The following NLGN1 variants were observed in gnomAD, a reference collection of about 807,000 sequenced individuals.
The protein encoded by NLGN1 is neuroligin 1, also known as neuroligin-1.
In NLGN1, 12 loss-of-function variants were observed where a neutral mutation model predicts 65.5. That is an observed-to-expected ratio of 0.18 (90% CI 0.12 to 0.30). The LOEUF (loss-of-function observed/expected upper bound fraction) is 0.30. Among genes scored for constraint, NLGN1 ranks in the 10% least tolerant of loss-of-function variants. The pLI is 1.00. For synonymous variants in NLGN1, 350 were observed against 359.5 expected, an observed-to-expected ratio of 0.97 and a Z score of 0.30; for missense variants, 750 against 1,007.1, an observed-to-expected ratio of 0.74 and a Z score of 3.46.
intron 4 of NLGN1, among the ~76,000 whole-genome samples, chr3:174,161,755 C>A (rs566590132): frequency 6.6e-6 from 1 of 152,030 alleles, no homozygotes; most frequent in African/African-American, 2.4e-5. Flanking sequence ...TAAGTTTCAG[C>A]TCCTTAATAC....
At chr3:174,013,434 C>A (rs559268147) in intron 4 of NLGN1, among the ~76,000 whole-genome samples, 3 of 152,246 alleles carry the variant, frequency 2.0e-5, no homozygotes, top group Admixed American at 6.5e-5. Flanking sequence ...AATAATATTT[C>A]TGCAAAATAA....
chr3:173,400,354 C>A (rs1304304624), intron 1 of NLGN1, among the ~76,000 whole-genome samples: 2 of 152,270 alleles, frequency 1.3e-5, no homozygotes, highest in East Asian at 3.9e-4. Context: ...TAATGCCACT[C>A]AATGCTTTTC....
chr3:173,622,220 A>G (rs903223851), intron 3 of NLGN1, among the ~76,000 whole-genome samples: 1 of 152,122 alleles, frequency 6.6e-6, no homozygotes, highest in Non-Finnish European at 1.5e-5. Context: ...GAATGTATAC[A>G]AGGCCAATTA....
rs143966354 is a variant in NLGN1, at chr3:174,098,623, C to T, written c.647-176692C>T. Among the ~76,000 whole-genome samples the T allele has an allele frequency of 3.3e-5, 5 of 152,224 alleles. No individual in the cohort carries two copies. The East Asian group carries it at 9.7e-4, about 29-fold the overall frequency. ...GTATAGAATGGTACTTCTCAGACTTCCCTGTGCATTGAAATCACCTGATGG... is the reference window on the plus strand; with the variant it reads ...GTATAGAATGGTACTTCTCAGACTTTCCTGTGCATTGAAATCACCTGATGG... On this transcript the variant is annotated intron_variant, in intron 4 of 6. Coordinates refer to ENST00000457714, the Ensembl canonical transcript of NLGN1.
chr3:173,922,292 G>A (rs1325406730), intron 4 of NLGN1, among the ~76,000 whole-genome samples: 1 of 152,022 alleles, frequency 6.6e-6, no homozygotes, highest in South Asian at 2.1e-4. Flanking sequence ...GCTAATATAA[G>A]TTATTTGCCA....
intron 3 of NLGN1, among the ~76,000 whole-genome samples, chr3:173,711,977 T>G (rs536195082): frequency 1.1e-4 from 16 of 152,140 alleles, no homozygotes; most frequent in Non-Finnish European, 2.2e-4. Flanking sequence ...ACTGAGGGCA[T>G]AGAGCAATAC....
chr3:174,056,440 A>T (rs1031592649), intron 4 of NLGN1, among the ~76,000 whole-genome samples: 4 of 151,792 alleles, frequency 2.6e-5, no homozygotes, highest in African/African-American at 9.7e-5. Flanking sequence ...GATTATTCTC[A>T]TGTCATTGTA....
intron 2 of NLGN1, among the ~76,000 whole-genome samples, chr3:173,459,321 T>G (rs1722991587): frequency 6.6e-6 from 1 of 152,144 alleles, no homozygotes; most frequent in Non-Finnish European, 1.5e-5. Context: ...TTCCACTTTG[T>G]TAGGGATTAA....
chr3:173,908,870 T>C (rs564507152), intron 4 of NLGN1, among the ~76,000 whole-genome samples: 1 of 152,316 alleles, frequency 6.6e-6, no homozygotes, highest in Admixed American at 6.5e-5. Flanking sequence ...AAAACATTTT[T>C]AATGGGGACT....
intron 4 of NLGN1, among the ~76,000 whole-genome samples, chr3:174,087,535 G>T (rs890305298): frequency 6.6e-6 from 1 of 152,076 alleles, no homozygotes; most frequent in Non-Finnish European, 1.5e-5. Context: ...AAAGTATTAA[G>T]TAACTACCAA....
At chr3:173,942,988 G>A (rs1042530279) in intron 4 of NLGN1, among the ~76,000 whole-genome samples, 32 of 152,200 alleles carry the variant, frequency 2.1e-4, no homozygotes, top group Non-Finnish European at 4.3e-4. Context: ...ACTTTGCGAG[G>A]CTGAGATAGG....
chr3:173,609,975 G>A (rs1397572921), intron 3 of NLGN1, among the ~76,000 whole-genome samples: 1 of 151,824 alleles, frequency 6.6e-6, no homozygotes, highest in South Asian at 2.1e-4. Context: ...ATCTGGAAAG[G>A]GGGAAAAGAG....
At chr3:173,878,595 ATCTG>A (rs1312133805) in intron 4 of NLGN1, among the ~76,000 whole-genome samples, 1 of 150,630 alleles carries the variant, frequency 6.6e-6, no homozygotes, top group Non-Finnish European at 1.5e-5. Flanking sequence ...TCATGCATTT[ATCTG>A]TCTTTTATTT....
chr3:173,599,030 A>G (rs1490733653), intron 2 of NLGN1, among the ~76,000 whole-genome samples: 1 of 152,140 alleles, frequency 6.6e-6, no homozygotes, highest in African/African-American at 2.4e-5. Context: ...CCCTTCTGTG[A>G]CCAACAGTGT....
chr3:173,520,863 A>G (rs1734641508), intron 2 of NLGN1, among the ~76,000 whole-genome samples: 1 of 152,224 alleles, frequency 6.6e-6, no homozygotes, highest in African/African-American at 2.4e-5. Context: ...AATACAATAG[A>G]TGAAAAGAAA....
At chr3:173,981,310 T>C (rs541710638) in intron 4 of NLGN1, among the ~76,000 whole-genome samples, 2 of 152,304 alleles carry the variant, frequency 1.3e-5, no homozygotes, top group South Asian at 4.1e-4. Context: ...TTTCTCATCC[T>C]CCTGTAGATT....
At position 173,517,794 on chromosome 3, in the gene NLGN1, C is replaced by CTATT. The variant is rs1553874127; in HGVS notation, c.-321+82719_-321+82720insTTAT. On this transcript the variant is annotated intron_variant, in intron 2 of 6. Coordinates refer to ENST00000457714, the Ensembl canonical transcript of NLGN1. Reference sequence around the variant, plus strand: ...TCTATCTATCTATCTATCTATCTATCTATCTATCATATCTATCTGTCATCT... The same window carrying CTATT: ...TCTATCTATCTATCTATCTATCTATCTATTTATCTATCATATCTATCTGTCATCT... Among the ~76,000 whole-genome samples, 1,015 of 151,590 alleles carry CTATT rather than the reference C, an allele frequency of 6.7e-3. 5 individuals carry two copies. The highest frequency in any genetic ancestry group is 8.7e-3 in the Non-Finnish European group (590 of 67,814).
In NLGN1 at chr3:174,260,678, C is replaced by G. The variant is rs920351908; in HGVS notation, c.647-14637C>G. Reference sequence around the variant, plus strand: ...GTAGTTTCTTTTGTGTGCAGAAGCTCTTTAGTTTAATTAGATCCCATTTGT... The same window carrying G: ...GTAGTTTCTTTTGTGTGCAGAAGCTGTTTAGTTTAATTAGATCCCATTTGT... On this transcript the variant is annotated intron_variant, in intron 4 of 6. Coordinates refer to ENST00000457714, the Ensembl canonical transcript of NLGN1. 9.5e-4 allele frequency among the ~76,000 whole-genome samples: 136 copies of G among 143,064 alleles called. 1 individual carries two copies. Among genetic ancestry groups the G allele is most frequent in the Admixed American group, 2.1e-3 (29 of 13,952 alleles). 93.9% of individuals were successfully genotyped at this position (143,064 alleles called of 152,430 possible). A position where few individuals can be genotyped will look rare whatever the true frequency, so the allele number is the denominator to read the frequency against.
intron 4 of NLGN1, among the ~76,000 whole-genome samples, chr3:174,033,515 G>GATTTTAAAATC (rs147582830): frequency 0.26 from 39,615 of 151,748 alleles, 6,055 homozygotes; most frequent in African/African-American, 0.42. Context: ...TATCAAATGG[G>GATTTTAAAATC]GCATTTAAAA....
Sources: gnomAD v4.1 joint callset for allele counts (sites outside exome capture counted in the v4.1 genomes callset) on GRCh38, gnomAD v4.1.1 for gene constraint, MANE v1.5 for transcripts, NCBI Gene and HGNC (gene_info 2026-07-23, HGNC 2026-07-21) for gene names.